NXN: variants seen among roughly 807,000 people sequenced by gnomAD.
NXN encodes the protein nucleoredoxin 1.
NXN carries 16 observed loss-of-function variants against 48.6 expected under a neutral mutation model. The observed-to-expected ratio is 0.33, with a 90% CI of 0.22 to 0.50. The LOEUF (loss-of-function observed/expected upper bound fraction) is 0.50, where lower values mean the gene tolerates loss of function less well. NXN is among the 20% of genes least tolerant of loss of function. NXN has a pLI of 0.98. For missense variants in NXN, 492 were observed against 605.5 expected (o/e 0.81, Z 1.97); for synonymous variants, 281 against 269.6 (o/e 1.04, Z -0.41).
At chr17:828,134 C>T (rs1913235987) in intron 1 of NXN, among the ~76,000 whole-genome samples, 1 of 152,188 alleles carries the variant, frequency 6.6e-6, no homozygotes, top group African/African-American at 2.4e-5. Flanking sequence ...AACAGAATCT[C>T]GCTCTGTCAC....
chr17:979,001 G>T (rs1330667381), intron 1 of NXN, among the ~76,000 whole-genome samples: 1 of 150,118 alleles, frequency 6.7e-6, no homozygotes, highest in Non-Finnish European at 1.5e-5. Flanking sequence ...GGAGGGGCTC[G>T]AGCCGGGATC....
intron 2 of NXN, among the ~76,000 whole-genome samples, chr17:823,995 T>C (rs1304310657): frequency 6.6e-6 from 1 of 151,406 alleles, no homozygotes; most frequent in Non-Finnish European, 1.5e-5. Flanking sequence ...TGGCAACGGT[T>C]CCCAAACCTG....
At chr17:895,773 G>A (rs528951637) in intron 1 of NXN, among the ~76,000 whole-genome samples, 24 of 21,656 alleles carry the variant, frequency 1.1e-3, no homozygotes, top group Admixed American at 6.1e-3. Flanking sequence ...AGCCGAGATC[G>A]CACCACTGCA....
At chr17:807,043 C>A (rs758106849) in intron 5 of NXN, among the ~76,000 whole-genome samples, 2 of 152,216 alleles carry the variant, frequency 1.3e-5, no homozygotes, top group African/African-American at 4.8e-5. Context: ...TGCTGCCGCA[C>A]AAGAAACCTG....
At chr17:957,225 C>A (rs894217938) in intron 1 of NXN, among the ~76,000 whole-genome samples, 6 of 151,968 alleles carry the variant, frequency 3.9e-5, no homozygotes, top group Non-Finnish European at 7.4e-5. Flanking sequence ...TGTCACCACC[C>A]CCCTCCCCCA....
chr17:803,868 C>A (rs907742489), intron 6 of NXN, 62 bp from the exon 7 acceptor site: 2 of 1,585,274 alleles, frequency 1.3e-6, no homozygotes, highest in African/African-American at 1.3e-5. Flanking sequence ...TCAAACAGAG[C>A]GGCACCCGCC....
At chr17:842,185 G>A (rs887749221) in intron 1 of NXN, among the ~76,000 whole-genome samples, 4 of 152,010 alleles carry the variant, frequency 2.6e-5, no homozygotes, top group South Asian at 4.2e-4. Flanking sequence ...AAACCTGCTC[G>A]ACATCCTTCC....
In NXN at chr17:921,758, C is replaced by G. The variant is rs534210487; in HGVS notation, c.360+57561G>C. On this transcript the variant is annotated intron_variant, in intron 1 of 7. Transcript: ENST00000336868. ...GGACAACACCTGGCCGGCCCAGGCT[C>G]TCATCCTCACTGCCCCTGGACAACA... Among the ~76,000 whole-genome samples the G allele has an allele frequency of 2.7e-5, 4 of 150,064 alleles. No homozygotes were observed. In the East Asian group the frequency reaches 7.9e-4, roughly 30 times the overall value.
chr17:979,625 G>A lies in NXN; in HGVS notation c.54C>T (p.Gly18=). The change falls in exon 1 of 8, where the codon GGC becomes GGT. Residue 18 remains glycine, a synonymous_variant. Coordinates refer to ENST00000336868, the MANE Select transcript of NXN (RefSeq NM_022463.5). The part of the protein sequence containing the change: ...LLGEKLVTGG[G]EEVDVHSLGA... The stretch of plus-strand genomic sequence containing the variant: ...CCAGCGAGTGCACGTCCACCTCCTC[G>A]CCGCCGCCCGTCACCAGCTTCTCGC... The A allele has an allele frequency of 6.8e-7, 1 of 1,465,174 alleles. No individual in the cohort carries two copies. The highest frequency in any genetic ancestry group is 9.0e-7 in the Non-Finnish European group (1 of 1,108,084). The allele number at this position is 1,465,174 out of a possible 1,614,324, so 90.8% of individuals were successfully genotyped here.
At chr17:892,425 C>T (rs1331198484) in intron 1 of NXN, among the ~76,000 whole-genome samples, 2 of 152,200 alleles carry the variant, frequency 1.3e-5, no homozygotes, top group African/African-American at 4.8e-5. Context: ...AGCTGACCCT[C>T]TTCCCAGGAC....
intron 1 of NXN, among the ~76,000 whole-genome samples, chr17:832,013 T>C (rs1376571843): frequency 6.6e-6 from 1 of 151,216 alleles, no homozygotes; most frequent in Non-Finnish European, 1.5e-5. Flanking sequence ...TGCCACCTTG[T>C]AACAGGAATC....
intron 5 of NXN, among the ~76,000 whole-genome samples, chr17:813,880 C>T (rs887139403): frequency 3.3e-5 from 5 of 150,366 alleles, no homozygotes; most frequent in African/African-American, 1.2e-4. Context: ...GCAGGAAGAT[C>T]GCTTGAACCC....
intron 5 of NXN, among the ~76,000 whole-genome samples, chr17:812,084 C>A (rs547408466): frequency 6.6e-6 from 1 of 151,226 alleles, no homozygotes; most frequent in African/African-American, 2.5e-5. Context: ...CCCGTCACCA[C>A]GCCTGGCTAA....
At chr17:805,326 C>A in intron 5 of NXN, 79 bp from the exon 6 acceptor site, 1 of 1,458,674 alleles carries the variant, frequency 6.9e-7, no homozygotes, top group Non-Finnish European at 9.1e-7. Flanking sequence ...GGGGTCCAGC[C>A]CGGGGTCCCC....
chr17:912,913 C>T (rs2068650714), intron 1 of NXN, among the ~76,000 whole-genome samples: 1 of 151,936 alleles, frequency 6.6e-6, no homozygotes, highest in Non-Finnish European at 1.5e-5. Flanking sequence ...AAGATTGCAC[C>T]ACCGCACTCC....
chr17:877,394 C>T (rs1048642954), intron 1 of NXN, among the ~76,000 whole-genome samples: 1 of 152,068 alleles, frequency 6.6e-6, no homozygotes, highest in Non-Finnish European at 1.5e-5. Flanking sequence ...GATCCACCTG[C>T]CTCAGCCTCC....
At chr17:806,166 C>T (rs1186396066) in intron 5 of NXN, among the ~76,000 whole-genome samples, 2 of 130,560 alleles carry the variant, frequency 1.5e-5, no homozygotes, top group Non-Finnish European at 3.3e-5. Flanking sequence ...CAGCCCCCGC[C>T]GTCTGCACCC....
chr17:871,399 C>CTTTTTT (rs11345310), intron 1 of NXN, among the ~76,000 whole-genome samples: 12 of 101,710 alleles, frequency 1.2e-4, no homozygotes, highest in East Asian at 3.7e-4. Flanking sequence ...TACGCATTCA[C>CTTTTTT]TTTTTTTTTT....
chr17:937,960 C>T (rs772563066), intron 1 of NXN, among the ~76,000 whole-genome samples: 42 of 152,222 alleles, frequency 2.8e-4, no homozygotes, highest in Admixed American at 8.5e-4. Context: ...ACAGGAGCCA[C>T]GGGGCGCAGG....
Sources: allele counts gnomAD v4.1 joint callset (sites outside exome capture counted in the v4.1 genomes callset), GRCh38; gene constraint gnomAD v4.1.1; transcripts MANE v1.5; gene names NCBI Gene and HGNC (gene_info 2026-07-23, HGNC 2026-07-21).